RNF144A: variants seen among roughly 807,000 people sequenced by gnomAD.
RNF144A encodes the protein ring finger protein 144A, also known as E3 ubiquitin-protein ligase RNF144A.
In RNF144A, 11 loss-of-function variants were observed where a neutral mutation model predicts 38.7. The ratio of observed to expected loss-of-function variants is 0.28; its 90% CI spans 0.18 to 0.47. The LOEUF (loss-of-function observed/expected upper bound fraction) is 0.47. Among genes scored for constraint, RNF144A ranks in the 20% least tolerant of loss-of-function variants. The pLI is 0.99. For synonymous variants in RNF144A, 149 were observed against 143.9 expected (o/e 1.04, Z -0.25); for missense variants, 316 against 377.2 (o/e 0.84, Z 1.34).
chr2:6,960,880 T>C (rs985650802), intron 2 of RNF144A, among the ~76,000 whole-genome samples: 1 of 151,444 alleles, frequency 6.6e-6, no homozygotes, highest in African/African-American at 2.5e-5. Context: ...CTGAAGAAAG[T>C]GCTGGCATGC....
At chr2:6,975,731 TG>T (rs1668269863) in intron 2 of RNF144A, among the ~76,000 whole-genome samples, 1 of 152,088 alleles carries the variant, frequency 6.6e-6, no homozygotes, top group African/African-American at 2.4e-5. Flanking sequence ...GAGGCTGAGG[TG>T]GGAGGATCAC....
intron 3 of RNF144A, 101 bp downstream of exon 3, chr2:6,997,162 C>A: frequency 1.7e-6 from 2 of 1,184,986 alleles, no homozygotes; most frequent in Non-Finnish European, 2.5e-6. Flanking sequence ...TACATTTTGC[C>A]TGACAGTGGA....
intron 1 of RNF144A, among the ~76,000 whole-genome samples, chr2:6,928,863 G>A (rs1665043170): frequency 6.6e-6 from 1 of 151,990 alleles, no homozygotes. Context: ...GCCTGCCTTC[G>A]GTGATGGTCA....
rs533360249 is a variant in RNF144A, at chr2:6,962,380, G to A, written c.-12+21233G>A. The stretch of plus-strand genomic sequence containing the variant: ...GGTCACCCTTTTCTATGGTGCAGCT[G>A]CTGGCATCCCCCATAGAAGTTTCTG... On this transcript the variant is annotated intron_variant, in intron 2 of 8. Transcript: ENST00000320892. The surrounding 1 kb of genome is among the most constrained non-coding windows in gnomAD (Gnocchi z 4.1). Among the ~76,000 whole-genome samples the A allele has an allele frequency of 1.3e-5, 2 of 152,330 alleles. No individual in the cohort carries two copies. The highest frequency in any genetic ancestry group is 3.9e-4 in the East Asian group (2 of 5,182).
At chr2:7,063,986 C>G (rs556576954) in intron 6 of RNF144A, among the ~76,000 whole-genome samples, 20 of 152,172 alleles carry the variant, frequency 1.3e-4, no homozygotes, top group African/African-American at 4.8e-4. Flanking sequence ...TTGAGGGTAC[C>G]CATGGTGGAA....
At chr2:6,954,710 A>C (rs1050039315) in intron 2 of RNF144A, among the ~76,000 whole-genome samples, 1 of 152,248 alleles carries the variant, frequency 6.6e-6, no homozygotes. Flanking sequence ...AGTAGGCACA[A>C]GAGATTTTCA....
At chr2:6,926,417 C>G (rs1227907863) in intron 1 of RNF144A, among the ~76,000 whole-genome samples, 2 of 152,238 alleles carry the variant, frequency 1.3e-5, no homozygotes, top group African/African-American at 4.8e-5. Context: ...TGCGAGAGAA[C>G]TGCCCCGTGC....
At chr2:7,065,796 GCTT>G (rs951309231) in intron 6 of RNF144A, among the ~76,000 whole-genome samples, 1 of 152,166 alleles carries the variant, frequency 6.6e-6, no homozygotes, top group Admixed American at 6.5e-5. Flanking sequence ...GTCCAAACTT[GCTT>G]CTTCTTCAAA....
intron 1 of RNF144A, among the ~76,000 whole-genome samples, chr2:6,924,508 AG>A (rs1216545419): frequency 6.6e-6 from 1 of 151,798 alleles, no homozygotes; most frequent in Non-Finnish European, 1.5e-5. Context: ...AGTGTAGAGA[AG>A]GGGGTGCTCT....
intron 2 of RNF144A, among the ~76,000 whole-genome samples, chr2:6,994,480 A>G (rs1235159117): frequency 6.6e-6 from 1 of 152,304 alleles, no homozygotes; most frequent in East Asian, 1.9e-4. Flanking sequence ...GGACCCAGAA[A>G]ACCCCATGTA....
chr2:7,039,868 C>G lies in RNF144A; in HGVS notation c.*108C>G. On this transcript the variant is annotated 3_prime_UTR_variant, in exon 9 of 9. Coordinates refer to ENST00000320892, the MANE Select transcript of RNF144A (RefSeq NM_014746.6). The stretch of plus-strand genomic sequence containing the variant: ...AACATCTTTCTTGCCTTATGTGCCC[C>G]ATTGAGCTTCACAGTGTCAGGCTGG... 1 of 1,496,444 alleles carries G rather than the reference C, an allele frequency of 6.7e-7. No homozygotes were observed. The highest frequency in any genetic ancestry group is 1.3e-5 in the South Asian group (1 of 74,692). The allele number at this position is 1,496,444 out of a possible 1,614,324, so 92.7% of individuals were successfully genotyped here.
intron 2 of RNF144A, among the ~76,000 whole-genome samples, chr2:6,952,392 GTT>G (rs35358506): frequency 0.021 from 3,037 of 144,518 alleles, 110 homozygotes; most frequent in African/African-American, 0.072. Flanking sequence ...AAGAGGGAGG[GTT>G]TTTTTTTTTT....
At chr2:6,939,657 C>G (rs904891423) in intron 1 of RNF144A, among the ~76,000 whole-genome samples, 9 of 152,030 alleles carry the variant, frequency 5.9e-5, no homozygotes, top group African/African-American at 1.9e-4. Flanking sequence ...TCTGTGATCA[C>G]AAAAATTTAC....
chr2:7,039,700 CT>C lies in RNF144A; in HGVS notation c.822del (p.Phe274LeufsTer67), dbSNP rs1397019799. On this transcript the variant is annotated frameshift_variant, in exon 9 of 9. Coordinates refer to ENST00000320892, the MANE Select transcript of RNF144A (RefSeq NM_014746.6). LOFTEE classifies it high-confidence loss of function. ...ASPFLLLATP[F>X]VLCCKCKCSK... Reference sequence around the variant, plus strand: ...CACCTTTCCTACTCCTGGCCACTCCCTTTGTACTTTGCTGCAAGTGCAAGTG... The same window carrying C: ...CACCTTTCCTACTCCTGGCCACTCCCTTGTACTTTGCTGCAAGTGCAAGTG... The C allele has an allele frequency of 6.2e-7, 1 of 1,613,968 alleles. No individual in the cohort carries two copies. Among genetic ancestry groups the C allele is most frequent in the Non-Finnish European group, 8.5e-7 (1 of 1,180,004 alleles).
At chr2:7,031,105 A>C (rs1672271827) in intron 8 of RNF144A, among the ~76,000 whole-genome samples, 1 of 151,304 alleles carries the variant, frequency 6.6e-6, no homozygotes, top group South Asian at 2.1e-4. Flanking sequence ...CACCCCCACC[A>C]CTCACTCCTG....
At chr2:7,061,419 GA>G (rs1235055714) in intron 6 of RNF144A, among the ~76,000 whole-genome samples, 14 of 152,166 alleles carry the variant, frequency 9.2e-5, no homozygotes, top group Non-Finnish European at 1.5e-4. Flanking sequence ...ATTATTTAGA[GA>G]GCAATTAATC....
At chr2:6,951,461 G>C (rs1230759019) in intron 2 of RNF144A, among the ~76,000 whole-genome samples, 2 of 152,254 alleles carry the variant, frequency 1.3e-5, no homozygotes, top group Non-Finnish European at 2.9e-5. Context: ...AGATTTTAGA[G>C]TTAGTTTATG....
intron 7 of RNF144A, among the ~76,000 whole-genome samples, chr2:7,026,623 C>T (rs541854152): frequency 1.2e-3 from 178 of 152,046 alleles, no homozygotes; most frequent in Non-Finnish European, 2.4e-3. Context: ...AGTTTTCCTA[C>T]ACCTTGTCAC....
intron 6 of RNF144A, among the ~76,000 whole-genome samples, chr2:7,021,419 C>T (rs149991318): frequency 3.4e-4 from 51 of 152,234 alleles, no homozygotes; most frequent in African/African-American, 1.1e-3. Context: ...AGCTCCTGTT[C>T]CTTTCCGTGT....
Sources: allele counts gnomAD v4.1 joint callset (sites outside exome capture counted in the v4.1 genomes callset), GRCh38; gene constraint gnomAD v4.1.1; non-coding constraint Gnocchi (gnomAD v3.1); transcripts MANE v1.5; gene names NCBI Gene and HGNC (gene_info 2026-07-23, HGNC 2026-07-21).